HS3ST4: variants seen among roughly 807,000 people sequenced by gnomAD.
The protein encoded by HS3ST4 is heparan sulfate glucosamine 3-O-sulfotransferase 4.
Under a neutral mutation model 29.2 loss-of-function variants are expected in HS3ST4, and 17 were observed. The observed-to-expected ratio is 0.58, with a 90% CI of 0.40 to 0.87. HS3ST4 has a LOEUF of 0.87. Among genes scored for constraint, HS3ST4 ranks in the 40% least tolerant of loss-of-function variants. HS3ST4 has a pLI of 0.00. For missense variants in HS3ST4, 627 were observed against 634.5 expected, an observed-to-expected ratio of 0.99 and a Z score of 0.13; for synonymous variants, 314 against 285.7, an observed-to-expected ratio of 1.10 and a Z score of -1.00.
At chr16:25,871,859 C>T (rs937840145) in intron 1 of HS3ST4, among the ~76,000 whole-genome samples, 2 of 152,108 alleles carry the variant, frequency 1.3e-5, no homozygotes, top group African/African-American at 4.8e-5. Context: ...CTACTGAAAA[C>T]TCTTCACCGG....
At chr16:25,789,460 TTCCTTCCTTCTTTCTTTCTTTCTCTTTCC>T (rs1966864108) in intron 1 of HS3ST4, among the ~76,000 whole-genome samples, 1 of 38,552 alleles carries the variant, frequency 2.6e-5, no homozygotes, top group Non-Finnish European at 4.9e-5. Context: ...CCTTCCTTCC[TTCCTTCCTTCTTTCTTTCTTTCTCTTTCC>T]TTCTTTCTTT....
At chr16:25,900,932 C>T (rs4387608) in intron 1 of HS3ST4, among the ~76,000 whole-genome samples, 38,557 of 152,032 alleles carry the variant, frequency 0.25, 5,956 homozygotes, top group Middle Eastern at 0.39. Flanking sequence ...TACTCTGTTA[C>T]TCAGCACCTG....
chr16:25,937,701 G>T (rs1968530442), intron 1 of HS3ST4, among the ~76,000 whole-genome samples: 2 of 152,184 alleles, frequency 1.3e-5, no homozygotes, highest in South Asian at 4.1e-4. Context: ...ACAATGAGAA[G>T]CTTATCACAG....
chr16:25,780,370 C>CA (rs1966851558), intron 1 of HS3ST4, among the ~76,000 whole-genome samples: 1 of 152,304 alleles, frequency 6.6e-6, no homozygotes, highest in Non-Finnish European at 1.5e-5. Flanking sequence ...AGTTTAGCCT[C>CA]CATAGCTTGA....
intron 1 of HS3ST4, among the ~76,000 whole-genome samples, chr16:25,978,529 G>T (rs909553432): frequency 2.6e-5 from 4 of 152,260 alleles, no homozygotes; most frequent in African/African-American, 9.6e-5. Flanking sequence ...AGACCATGTG[G>T]CATGTGGAAT....
chr16:25,846,596 G>A (rs1967468961), intron 1 of HS3ST4, among the ~76,000 whole-genome samples: 2 of 151,378 alleles, frequency 1.3e-5, no homozygotes, highest in Non-Finnish European at 2.9e-5. Context: ...TAAGTTTGTA[G>A]TATCTTTCAG....
chr16:25,883,389 C>CA (rs1419271742), intron 1 of HS3ST4, among the ~76,000 whole-genome samples: 3 of 68,238 alleles, frequency 4.4e-5, no homozygotes, highest in East Asian at 3.3e-4. Flanking sequence ...GAAAAAACAA[C>CA]AAAAAAAATA....
intron 1 of HS3ST4, among the ~76,000 whole-genome samples, chr16:25,969,154 A>G (rs1338594459): frequency 6.6e-6 from 1 of 152,162 alleles, no homozygotes; most frequent in Non-Finnish European, 1.5e-5. Context: ...AGTGATAGCT[A>G]TTACTACTGC....
At chr16:25,969,678 A>G (rs532374540) in intron 1 of HS3ST4, among the ~76,000 whole-genome samples, 14 of 152,284 alleles carry the variant, frequency 9.2e-5, no homozygotes, top group African/African-American at 3.4e-4. Flanking sequence ...TCAGTGTTGA[A>G]TAAGGTGCAT....
At chr16:25,827,791 A>G (rs74381633) in intron 1 of HS3ST4, among the ~76,000 whole-genome samples, 3,169 of 152,258 alleles carry the variant, frequency 0.021, 109 homozygotes, top group African/African-American at 0.071. Context: ...ACTATGTGCC[A>G]GATTGATTTG....
intron 1 of HS3ST4, among the ~76,000 whole-genome samples, chr16:25,810,822 G>A (rs1321635037): frequency 6.6e-6 from 1 of 152,090 alleles, no homozygotes; most frequent in African/African-American, 2.4e-5. Flanking sequence ...GCATCACATA[G>A]TTTTCAATTA....
intron 1 of HS3ST4, among the ~76,000 whole-genome samples, chr16:25,999,826 T>TTA (rs1240180918): frequency 9.0e-6 from 1 of 111,498 alleles, no homozygotes; most frequent in African/African-American, 3.1e-5. Flanking sequence ...ATATATATAT[T>TTA]TATATATTAT....
chr16:26,084,387 A>T (rs1275302815), intron 1 of HS3ST4, among the ~76,000 whole-genome samples: 52 of 152,220 alleles, frequency 3.4e-4, no homozygotes, highest in Admixed American at 3.4e-3. Context: ...TCTGAAAAGA[A>T]ATAGCCTCTT....
chr16:25,796,376 A>G (rs546435440), intron 1 of HS3ST4, among the ~76,000 whole-genome samples: 116 of 152,210 alleles, frequency 7.6e-4, no homozygotes, highest in African/African-American at 2.7e-3. Context: ...ATGAATTTTG[A>G]TGTGTTACTG....
At chr16:25,807,172 C>T (rs1021758881) in intron 1 of HS3ST4, among the ~76,000 whole-genome samples, 1 of 152,134 alleles carries the variant, frequency 6.6e-6, no homozygotes, top group African/African-American at 2.4e-5. Context: ...CGGAGTTTCG[C>T]CATGTTGACT....
At chr16:25,901,922 A>G (rs185300904) in intron 1 of HS3ST4, among the ~76,000 whole-genome samples, 1 of 152,362 alleles carries the variant, frequency 6.6e-6, no homozygotes, top group East Asian at 1.9e-4. Flanking sequence ...ACTTGCAAGG[A>G]AAGTTTGGAA....
chr16:25,800,648 C>A (rs1966924410), intron 1 of HS3ST4, among the ~76,000 whole-genome samples: 1 of 152,036 alleles, frequency 6.6e-6, no homozygotes, highest in Non-Finnish European at 1.5e-5. Flanking sequence ...GCATGAGAAT[C>A]TCTTAGATGA....
At chr16:26,029,227 G>C (rs1286910204) in intron 1 of HS3ST4, among the ~76,000 whole-genome samples, 3 of 152,174 alleles carry the variant, frequency 2.0e-5, no homozygotes, top group Non-Finnish European at 4.4e-5. Context: ...TAAGAGTTAT[G>C]ATGCTGTGGT....
intron 1 of HS3ST4, among the ~76,000 whole-genome samples, chr16:25,875,388 A>C (rs1465045452): frequency 6.6e-6 from 1 of 152,116 alleles, no homozygotes; most frequent in East Asian, 1.9e-4. Context: ...ATTCATGTCC[A>C]TGTGCTCATG....
Sources: gnomAD v4.1 joint callset for allele counts (sites outside exome capture counted in the v4.1 genomes callset) on GRCh38, gnomAD v4.1.1 for gene constraint, MANE v1.5 for transcripts, NCBI Gene and HGNC (gene_info 2026-07-23, HGNC 2026-07-21) for gene names.